The following SLC4A11 variants were observed in gnomAD, a reference collection of about 807,000 sequenced individuals.
SLC4A11 encodes the protein bicarbonate transporter related protein 1.
In SLC4A11, 74 loss-of-function variants were observed where a neutral mutation model predicts 95.0. The observed-to-expected ratio is 0.78, with a 90% CI of 0.65 to 0.95. SLC4A11 has a LOEUF of 0.95. Among genes scored for constraint, SLC4A11 ranks in the 40% least tolerant of loss-of-function variants. The probability of loss-of-function intolerance (pLI) is 0.00; values close to 1 mark genes in which losing one functional copy is unlikely to be tolerated. For missense variants in SLC4A11, 1,081 were observed against 1,192.4 expected, an observed-to-expected ratio of 0.91 and a Z score of 1.38; for synonymous variants, 548 against 519.0, an observed-to-expected ratio of 1.06 and a Z score of -0.76.
At position 3,234,500 on chromosome 20, in the gene SLC4A11, C is replaced by A. The variant is rs922887220; in HGVS notation, c.291+68G>T. The stretch of plus-strand genomic sequence containing the variant: ...GGAAGAGGGGAGCAGCGGGAGGATT[C>A]TCAGGGAAGCCATCACCTCAGCCCC... On this transcript the variant is annotated intron_variant, in intron 4 of 19. Transcript: ENST00000642402. The surrounding 1 kb of genome is among the most constrained non-coding windows in gnomAD (Gnocchi z 5.8). The A allele has an allele frequency of 8.7e-6, 14 of 1,603,164 alleles. No homozygotes were observed. In the African/African-American group the frequency reaches 1.7e-4, roughly 20 times the overall value.
chr20:3,238,105 T>C, intron 1 of SLC4A11: 1 of 1,460,646 alleles, frequency 6.8e-7, no homozygotes, highest in East Asian at 2.5e-5. Flanking sequence ...GCGCCCCGGG[T>C]CACACGGGGG....
In SLC4A11 at chr20:3,231,125, G is replaced by A; in HGVS notation, c.1042+24C>T. On this transcript the variant is annotated intron_variant, in intron 9 of 19. Transcript: ENST00000642402. The surrounding 1 kb of genome is among the most constrained non-coding windows in gnomAD (Gnocchi z 5.2). ...GGACAGGCACACGTGTGGGCCCAAG[G>A]CCTGGAAAGCAGAGGCCACGTACCA... 2 of 1,614,174 alleles carry A rather than the reference G, an allele frequency of 1.2e-6. No individual in the cohort carries two copies. The highest frequency in any genetic ancestry group is 8.5e-7 in the Non-Finnish European group (1 of 1,180,034).
At position 3,227,569 on chromosome 20, in the gene SLC4A11, T is replaced by C. The variant is rs2067571628; in HGVS notation, c.*218A>G. The C allele has an allele frequency of 6.6e-6, 4 of 603,264 alleles. No homozygotes were observed. The highest frequency in any genetic ancestry group is 1.8e-5 in the African/African-American group (1 of 54,530). 37.4% of individuals were successfully genotyped at this position (603,264 alleles called of 1,614,324 possible). ...CACCCACCCTGGGCAGAAGCTGCCC[T>C]GAGCAACGCTCTTGGCCTAAAGCTA... is the stretch of plus-strand genomic sequence containing the variant. On this transcript the variant is annotated 3_prime_UTR_variant, in exon 20 of 20. Coordinates refer to ENST00000642402, the MANE Select transcript of SLC4A11 (RefSeq NM_001174089.2).
rs1245864152 is a variant in SLC4A11 at position 3,234,531 on chromosome 20, A to T, written c.291+37T>A. On this transcript the variant is annotated intron_variant, in intron 4 of 19. Coordinates refer to ENST00000642402, the MANE Select transcript of SLC4A11 (RefSeq NM_001174089.2). The surrounding 1 kb of genome is among the most constrained non-coding windows in gnomAD (Gnocchi z 5.8). Reference sequence around the variant, plus strand: ...GAAGCCATCACCTCAGCCCCCAGGTAGAGGCCCCAGGACCACCTGCAGGAC... The same window carrying T: ...GAAGCCATCACCTCAGCCCCCAGGTTGAGGCCCCAGGACCACCTGCAGGAC... 6.2e-7 allele frequency: 1 copy of T among 1,612,670 alleles called. No individual in the cohort carries two copies. Among genetic ancestry groups the T allele is most frequent in the East Asian group, 2.2e-5 (1 of 44,860 alleles).
Position 3,229,508 on chromosome 20 carries a change from C to A in SLC4A11, c.1742+16G>T. 6.2e-7 allele frequency: 1 copy of A among 1,612,808 alleles called. No homozygotes were observed. The highest frequency in any genetic ancestry group is 8.5e-7 in the Non-Finnish European group (1 of 1,179,954). ...TTGACCCATGCGGCCCCTCCCCTCC[C>A]CATGCAGCCCCTCACCTCTTCTTGA... On this transcript the variant is annotated intron_variant, in intron 14 of 19. Coordinates refer to ENST00000642402, the MANE Select transcript of SLC4A11 (RefSeq NM_001174089.2).
At chr20:3,235,077 A>G (rs972911870) in intron 2 of SLC4A11, among the ~76,000 whole-genome samples, 183 bp from the exon 3 acceptor site, 4 of 152,170 alleles carry the variant, frequency 2.6e-5, no homozygotes, top group African/African-American at 9.7e-5. Flanking sequence ...AGGACATGGC[A>G]GCTGCCACAA....
In SLC4A11 at chr20:3,238,350, G is replaced by C. The variant is rs1384689120; in HGVS notation, c.43+745C>G. ...CGTGCACGAGAGGAAAGCGCCTCCAGACTCGGAGACCCCGGGGGTCGGGGC... is the reference window on the plus strand; with the variant it reads ...CGTGCACGAGAGGAAAGCGCCTCCACACTCGGAGACCCCGGGGGTCGGGGC... On this transcript the variant is annotated intron_variant, in intron 1 of 19. Transcript: ENST00000642402. The C allele has an allele frequency of 5.1e-6, 5 of 985,336 alleles. No individual in the cohort carries two copies. The African/African-American group carries it at 7.0e-5, about 14-fold the overall frequency. 61.0% of individuals were successfully genotyped at this position (985,336 alleles called of 1,614,324 possible).
intron 1 of SLC4A11, chr20:3,238,625 G>A: frequency 1.0e-6 from 1 of 992,660 alleles, no homozygotes; most frequent in Non-Finnish European, 1.2e-6. Context: ...CGCAGGGCAC[G>A]GTCAGGGGTC....
At position 3,230,506 on chromosome 20, in the gene SLC4A11, G is replaced by A. The variant is rs1312794954; in HGVS notation, c.1415+9C>T. ...GAGGGTCCCAGCAGCTCACGGAAGG[G>A]CCAGTCACCTCTTGAAGAGACTCAT... On this transcript the variant is annotated intron_variant, in intron 12 of 19. Coordinates refer to ENST00000642402, the MANE Select transcript of SLC4A11 (RefSeq NM_001174089.2). 1 of 1,613,718 alleles carries A rather than the reference G, an allele frequency of 6.2e-7. No individual in the cohort carries two copies. The highest frequency in any genetic ancestry group is 2.2e-5 in the East Asian group (1 of 44,870).
Position 3,227,667 on chromosome 20 carries a change from G to T in SLC4A11, c.*120C>A. Reference sequence around the variant, plus strand: ...GCCCAGATGCCCCAGGCCTGAGTCAGCCATGAGAAGGCGCAGCACAGAGCA... The same window carrying T: ...GCCCAGATGCCCCAGGCCTGAGTCATCCATGAGAAGGCGCAGCACAGAGCA... On this transcript the variant is annotated 3_prime_UTR_variant, in exon 20 of 20. Coordinates refer to ENST00000642402, the MANE Select transcript of SLC4A11 (RefSeq NM_001174089.2). 1.9e-6 allele frequency: 2 copies of T among 1,061,374 alleles called. No homozygotes were observed. Among genetic ancestry groups the T allele is most frequent in the Non-Finnish European group, 2.8e-6 (2 of 711,250 alleles). 65.7% of individuals were successfully genotyped at this position (1,061,374 alleles called of 1,614,324 possible).
intron 16 of SLC4A11, 35 bp downstream of exon 16, chr20:3,229,060 G>GCACC: frequency 6.5e-7 from 1 of 1,542,148 alleles, no homozygotes. Flanking sequence ...AGAGGCCCGG[G>GCACC]CCCCGCCCAC....
intron 2 of SLC4A11, 44 bp downstream of exon 2, chr20:3,237,500 G>T (rs965123576): frequency 6.2e-7 from 1 of 1,603,800 alleles, no homozygotes; most frequent in Non-Finnish European, 8.5e-7. Context: ...GCTTTTGCCC[G>T]ACAAGCTCTC....
At position 3,234,176 on chromosome 20, in the gene SLC4A11, C is replaced by G; in HGVS notation, c.430G>C (p.Ala144Pro). 1.2e-6 allele frequency: 2 copies of G among 1,613,912 alleles called. No homozygotes were observed. Among genetic ancestry groups the G allele is most frequent in the Non-Finnish European group, 1.7e-6 (2 of 1,179,888 alleles). Residue 144 changes from alanine (A) to proline (P), a missense_variant, in exon 5 of 20, where the codon GCC (alanine) becomes CCC (proline). By Grantham distance (27) the Ala-to-Pro change is conservative. Coordinates refer to ENST00000642402, the MANE Select transcript of SLC4A11 (RefSeq NM_001174089.2). The surrounding 1 kb of genome is among the most constrained non-coding windows in gnomAD (Gnocchi z 5.8). ...GGCTCATTGTTGTCAGGGTCCCTGG[C>G]GAAGCGGCGAAGCATGGTCCGCAGC... ...NVLRTMLRRFARDPDNNEPNC... is the reference protein window; with the variant it reads ...NVLRTMLRRFPRDPDNNEPNC...
chr20:3,233,167 T>C (rs1270583230), intron 7 of SLC4A11, among the ~76,000 whole-genome samples: 1 of 152,098 alleles, frequency 6.6e-6, no homozygotes. Flanking sequence ...CCAGGGGGTG[T>C]GTGGCCCAGG....
chr20:3,228,963 G>A lies in SLC4A11; in HGVS notation c.2067C>T (p.Ile689=), dbSNP rs912637376. 1 of 1,613,768 alleles carries A rather than the reference G, an allele frequency of 6.2e-7. No individual in the cohort carries two copies. Among genetic ancestry groups the A allele is most frequent in the Non-Finnish European group, 8.5e-7 (1 of 1,180,036 alleles). Residue 689 remains isoleucine, a synonymous_variant, in exon 17 of 20, where the codon ATC becomes ATT. Transcript: ENST00000642402. Reference sequence around the variant, plus strand: ...CAAACAGAGACAGCCCTGTGTTGATGATGGCGAGGAGCAGGAGGTCCCAGT... The same window carrying A: ...CAAACAGAGACAGCCCTGTGTTGATAATGGCGAGGAGCAGGAGGTCCCAGT... ...AYHWDLLLLA[I]INTGLSLFGL...
At chr20:3,230,316 G>A in intron 12 of SLC4A11, 56 bp from the exon 13 acceptor site, 2 of 1,599,412 alleles carry the variant, frequency 1.3e-6, no homozygotes, top group Non-Finnish European at 1.7e-6. Context: ...GCAGGTGGGG[G>A]AGGCCTCCCT....
chr20:3,236,620 G>A (rs1042632437), intron 2 of SLC4A11, among the ~76,000 whole-genome samples: 5 of 151,448 alleles, frequency 3.3e-5, no homozygotes, highest in Admixed American at 6.6e-5. Context: ...AACAAAAGAC[G>A]TCCTCACTGC....
intron 2 of SLC4A11, among the ~76,000 whole-genome samples, chr20:3,236,454 TGGCGGGCGCCTGTAGTCCC>T (rs2067983889): frequency 6.6e-6 from 1 of 152,090 alleles, no homozygotes; most frequent in Non-Finnish European, 1.5e-5. Context: ...CCGGGTGTGG[TGGCGGGCGCCTGTAGTCCC>T]AGCTACTCGG....
rs777029299 is a variant in SLC4A11, at chr20:3,231,428, G to A, written c.850C>T (p.His284Tyr). 6.2e-7 allele frequency: 1 copy of A among 1,614,080 alleles called. No individual in the cohort carries two copies. Residue 284 changes from histidine to tyrosine, a missense_variant, in exon 8 of 20, where the codon CAT becomes TAT. This residue lies in a region of SLC4A11 where 767 missense variants were observed against 858.0 expected (regional missense o/e 0.89). Transcript: ENST00000642402. The surrounding 1 kb of genome is among the most constrained non-coding windows in gnomAD (Gnocchi z 5.2). ...ACCATGGTGAGCAGCTGTCTCTGAT[G>A]CACCAAGGCCTCCTTGAATTCCTCC... ...TEEEFKEALV[H>Y]QRQLLTMVSH...
Sources: allele counts gnomAD v4.1 joint callset (sites outside exome capture counted in the v4.1 genomes callset), GRCh38; gene constraint gnomAD v4.1.1; regional missense constraint gnomAD v4.1.1; non-coding constraint Gnocchi (gnomAD v3.1); transcripts MANE v1.5; gene names NCBI Gene and HGNC (gene_info 2026-07-23, HGNC 2026-07-21).